The following RTP5 variants were observed in gnomAD, a reference collection of about 807,000 sequenced individuals.
RTP5 encodes the protein receptor transporter protein 5 (putative), also known as receptor-transporting protein 5.
A neutral mutation model predicts 23.5 loss-of-function variants in RTP5; 30 were observed. The observed-to-expected ratio is 1.27, with a 90% CI of 0.95 to 1.73. The LOEUF (loss-of-function observed/expected upper bound fraction) is 1.73. Ranked by LOEUF, RTP5 falls within the 40% of genes most tolerant of loss-of-function variation. The pLI, the probability that RTP5 is intolerant of heterozygous loss-of-function variation, is 0.00. For missense variants in RTP5, 807 were observed against 784.2 expected, an observed-to-expected ratio of 1.03 and a Z score of -0.35; for synonymous variants, 354 against 342.1, an observed-to-expected ratio of 1.03 and a Z score of -0.38.
At position 241,872,917 on chromosome 2, in the gene RTP5, C is replaced by A; in HGVS notation, c.1362C>A (p.Asp454Glu). ...KEGGLVTAGHDAPLEANAEGP... is the reference protein window; with the variant it reads ...KEGGLVTAGHEAPLEANAEGP... ...GTGGCCTGGTCACCGCGGGTCACGA[C>A]GCCCCTCTGGAGGCCAATGCCGAGG... The change falls in exon 2 of 2, where the codon GAC (aspartate) becomes GAA (glutamate). Residue 454 changes from aspartate to glutamate, a missense_variant. Coordinates refer to ENST00000343216, the MANE Select transcript of RTP5 (RefSeq NM_173821.3). The A allele has an allele frequency of 1.9e-6, 3 of 1,613,004 alleles. No homozygotes were observed. The highest frequency in any genetic ancestry group is 1.1e-5 in the South Asian group (1 of 91,080).
chr2:241,870,036 A>C, intron 1 of RTP5, 122 bp downstream of exon 1: 2 of 351,440 alleles, frequency 5.7e-6, no homozygotes, highest in South Asian at 3.1e-5. Flanking sequence ...CCGAGACGGG[A>C]GGGTGGGGCT....
chr2:241,871,622 C>T (rs923466882), intron 1 of RTP5, 92 bp from the exon 2 acceptor site: 44 of 1,423,732 alleles, frequency 3.1e-5, no homozygotes, highest in Admixed American at 5.5e-5. Flanking sequence ...GCGCTGGGGT[C>T]GGATGGGCAA....
chr2:241,871,422 T>C (rs4075286), intron 1 of RTP5, among the ~76,000 whole-genome samples: 28,011 of 152,230 alleles, frequency 0.18, 5,378 homozygotes, highest in East Asian at 0.55. Flanking sequence ...TGCTTCTCAG[T>C]GCTCCACATG....
intron 1 of RTP5, among the ~76,000 whole-genome samples, chr2:241,870,523 C>T (rs1701299191): frequency 6.6e-6 from 1 of 152,242 alleles, no homozygotes; most frequent in Admixed American, 6.5e-5. Context: ...TGACAGGCCC[C>T]CAGGCTGCTG....
chr2:241,871,848 C>G lies in RTP5; in HGVS notation c.293C>G (p.Pro98Arg), dbSNP rs1328392186. Residue 98 changes from proline to arginine, a missense_variant, in exon 2 of 2, where the codon CCC becomes CGC. By Grantham distance (103) the Pro-to-Arg change is moderately radical. Transcript: ENST00000343216. ...TGGGGCCAGCGGTGCAGGCTGTGCCCCGCACCCGGGGACTGCCAGGTGAGG... is the reference window on the plus strand; with the variant it reads ...TGGGGCCAGCGGTGCAGGCTGTGCCGCGCACCCGGGGACTGCCAGGTGAGG... ...RIWGQRCRLC[P>R]APGDCQVRPP... 1.9e-6 allele frequency: 3 copies of G among 1,548,062 alleles called. No individual in the cohort carries two copies. Among genetic ancestry groups the G allele is most frequent in the Non-Finnish European group, 2.6e-6 (3 of 1,145,486 alleles).
intron 1 of RTP5, among the ~76,000 whole-genome samples, 169 bp from the exon 2 acceptor site, chr2:241,871,545 C>A (rs1701316372): frequency 6.6e-6 from 1 of 152,040 alleles, no homozygotes; most frequent in Non-Finnish European, 1.5e-5. Context: ...GCCTTGGCCG[C>A]GGCCCTGGGT....
Position 241,873,478 on chromosome 2 carries a change from A to T in RTP5, c.*204A>T. The T allele has an allele frequency of 9.4e-6, 3 of 318,458 alleles. No homozygotes were observed. The highest frequency in any genetic ancestry group is 1.4e-5 in the Non-Finnish European group (3 of 214,784). The allele number at this position is 318,458 out of a possible 1,614,324, so 19.7% of individuals were successfully genotyped here. A position where few individuals can be genotyped will look rare whatever the true frequency, so the allele number is the denominator to read the frequency against. ...CCTCTGAGACCCCGCCTCACCTCTGAGACACCCCCCAACCCCACCTTTGAG... is the reference window on the plus strand; with the variant it reads ...CCTCTGAGACCCCGCCTCACCTCTGTGACACCCCCCAACCCCACCTTTGAG... On this transcript the variant is annotated 3_prime_UTR_variant, in exon 2 of 2. Transcript: ENST00000343216.
Position 241,872,983 on chromosome 2 carries a change from C to A in RTP5, c.1428C>A (p.Phe476Leu), listed in dbSNP as rs375279566. 6.2e-7 allele frequency: 1 copy of A among 1,613,186 alleles called. No individual in the cohort carries two copies. ...GTGAGGGCTGCATCACCATCCCCTT[C>A]GCAGTCTTCGATGTCATAAAGCGCA... ...TVSEGCITIP[F>L]AVFDVIKRKG... The change falls in exon 2 of 2, where the codon TTC becomes TTA. Residue 476 changes from phenylalanine to leucine, a missense_variant. Transcript: ENST00000343216.
rs1240496345 is a variant in RTP5, at chr2:241,869,881, G to A, written c.125G>A (p.Gly42Asp). 1 of 1,581,128 alleles carries A rather than the reference G, an allele frequency of 6.3e-7. No individual in the cohort carries two copies. Among genetic ancestry groups the A allele is most frequent in the Non-Finnish European group, 8.6e-7 (1 of 1,166,128 alleles). Residue 42 changes from glycine (G) to aspartate (D), a missense_variant, in exon 1 of 2, where the codon GGT becomes GAT. Physicochemically the swap from Gly to Asp is moderately conservative, Grantham distance 94 (BLOSUM62 -1). Coordinates refer to ENST00000343216, the MANE Select transcript of RTP5 (RefSeq NM_173821.3). ...HSLVPGCLDG[G>D]GVQYLLVGLS... ...CTGGTCCCGGGATGCCTGGACGGCG[G>A]TGGTGTCCAGTACCTGCTGGTGGGG...
chr2:241,871,109 C>A (rs564887747), intron 1 of RTP5: 15 of 468,306 alleles, frequency 3.2e-5, no homozygotes, highest in South Asian at 2.3e-4. Flanking sequence ...CCTGGTGACG[C>A]CCAGCAGGGC....
chr2:241,873,194 TG>T lies in RTP5; in HGVS notation c.1642del (p.Val548CysfsTer3). ...CGAGCCCTACGAGGACTTCTGGATC[TG>T]GGTGTCCATGACCGTGTGCGTCTTC... Reference protein sequence around the residue: ...HAEPYEDFWIWVSMTVCVFWL... With the variant: ...HAEPYEDFWIXVSMTVCVFWL... On this transcript the variant is annotated frameshift_variant, in exon 2 of 2. Transcript: ENST00000343216. LOFTEE classifies it high-confidence loss of function. 9 of 1,609,874 alleles carry T rather than the reference TG, an allele frequency of 5.6e-6. No individual in the cohort carries two copies. Among genetic ancestry groups the T allele is most frequent in the Non-Finnish European group, 7.6e-6 (9 of 1,179,804 alleles).
At position 241,871,741 on chromosome 2, in the gene RTP5, C is replaced by T. The variant is rs746821363; in HGVS notation, c.186C>T (p.Thr62=). ...TCCAGTGCGGTCACTGTCCGGGGAC[C>T]TGGGACTCGGCCCATGTGCACGTCC... ...SRLQCGHCPG[T]WDSAHVHVLF... Residue 62 remains threonine (T), a synonymous_variant, in exon 2 of 2, where the codon ACC becomes ACT. Transcript: ENST00000343216. 6.2e-7 allele frequency: 1 copy of T among 1,605,196 alleles called. No individual in the cohort carries two copies. The highest frequency in any genetic ancestry group is 8.5e-7 in the Non-Finnish European group (1 of 1,176,680).
At position 241,872,864 on chromosome 2, in the gene RTP5, G is replaced by A. The variant is rs1701353006; in HGVS notation, c.1309G>A (p.Asp437Asn). The A allele has an allele frequency of 1.2e-6, 2 of 1,612,714 alleles. No homozygotes were observed. The highest frequency in any genetic ancestry group is 1.7e-6 in the Non-Finnish European group (2 of 1,180,014). Residue 437 changes from aspartate (D) to asparagine (N), a missense_variant, in exon 2 of 2, where the codon GAC (aspartate) becomes AAC (asparagine). Physicochemically the swap from Asp to Asn is conservative, Grantham distance 23. Coordinates refer to ENST00000343216, the MANE Select transcript of RTP5 (RefSeq NM_173821.3). ...ADVQGKDAFT[D>N]ITEGKEKEGG... is the part of the protein sequence containing the mutation. ...TGTCCAAGGCAAAGATGCCTTTACT[G>A]ACATCACTGAAGGCAAAGAGAAGGA... is the stretch of plus-strand genomic sequence containing the variant.
At chr2:241,870,572 GGGAGTC>G (rs1165969427) in intron 1 of RTP5, among the ~76,000 whole-genome samples, 1 of 152,256 alleles carries the variant, frequency 6.6e-6, no homozygotes, top group South Asian at 2.1e-4. Context: ...TGGGCAAAGG[GGGAGTC>G]GTCCTGCCCT....
Position 241,869,813 on chromosome 2 carries a change from G to T in RTP5, c.57G>T (p.Glu19Asp). The part of the protein sequence containing the change: ...WASTFTLAMA[E>D]RKPQDVWVLL... The stretch of plus-strand genomic sequence containing the variant: ...GCACCTTCACCCTGGCCATGGCCGA[G>T]AGGAAGCCCCAGGACGTCTGGGTTC... The change falls in exon 1 of 2, where the codon GAG becomes GAT. Residue 19 changes from glutamate to aspartate, a missense_variant. Transcript: ENST00000343216. 1 of 1,560,408 alleles carries T rather than the reference G, an allele frequency of 6.4e-7. No homozygotes were observed. Among genetic ancestry groups the T allele is most frequent in the East Asian group, 2.4e-5 (1 of 41,622 alleles).
At chr2:241,870,016 C>G in intron 1 of RTP5, 102 bp downstream of exon 1, 14 of 871,706 alleles carry the variant, frequency 1.6e-5, no homozygotes, top group East Asian at 4.2e-5. Context: ...TGTTGGGCCT[C>G]GTCTTGTCCC....
chr2:241,873,032 G>A lies in RTP5; in HGVS notation c.1477G>A (p.Gly493Ser), dbSNP rs1180154963. ...CAAGGGCGGTGGCCACGTTGCCTAC[G>A]GCCCCCAGGGCAATGGCTGCTTCTC... ...KRKGGGHVAY[G>S]PQGNGCFSQG... Residue 493 changes from glycine (G) to serine (S), a missense_variant, in exon 2 of 2, where the codon GGC becomes AGC. By Grantham distance (56) the Gly-to-Ser change is moderately conservative. Transcript: ENST00000343216. 4 of 1,612,938 alleles carry A rather than the reference G, an allele frequency of 2.5e-6. No homozygotes were observed. The highest frequency in any genetic ancestry group is 3.3e-5 in the Admixed American group (2 of 60,000).
rs567120369 is a variant in RTP5, at chr2:241,870,063, G to T, written c.158+149G>T. 4 of 852,442 alleles carry T rather than the reference G, an allele frequency of 4.7e-6. No individual in the cohort carries two copies. In the East Asian group the frequency reaches 1.0e-4, roughly 21 times the overall value. 52.8% of individuals were successfully genotyped at this position (852,442 alleles called of 1,614,324 possible). On this transcript the variant is annotated intron_variant, in intron 1 of 1. Coordinates refer to ENST00000343216, the MANE Select transcript of RTP5 (RefSeq NM_173821.3). ...GGTGGGGCTGGGTGCTCCTTCTCCC[G>T]CCGGAGCCCCTGCCTCGCCATGCTG...
In RTP5 at chr2:241,869,912, G is replaced by A. The variant is rs753297128; in HGVS notation, c.156G>A (p.Ser52=). ...TCCAGTACCTGCTGGTGGGGCTCTC[G>A]AGGTGCGGCCAGAGGTTGGGGACCC... ...GGVQYLLVGL[S]RLQCGHCPGT... is the part of the protein sequence containing the mutation. Residue 52 remains serine, a splice_region_variant and synonymous_variant, in exon 1 of 2, where the codon TCG becomes TCA. Transcript: ENST00000343216. The A allele has an allele frequency of 3.9e-6, 6 of 1,530,888 alleles. No individual in the cohort carries two copies. The highest frequency in any genetic ancestry group is 1.4e-5 in the African/African-American group (1 of 70,854). 94.8% of individuals were successfully genotyped at this position (1,530,888 alleles called of 1,614,324 possible).
Sources: allele counts gnomAD v4.1 joint callset (sites outside exome capture counted in the v4.1 genomes callset), GRCh38; gene constraint gnomAD v4.1.1; transcripts MANE v1.5; gene names NCBI Gene and HGNC (gene_info 2026-07-23, HGNC 2026-07-21).